INTS3: variants seen among roughly 807,000 people sequenced by gnomAD.
INTS3 encodes the protein SOSS complex subunit A.
In INTS3, 34 loss-of-function variants were observed where a neutral mutation model predicts 146.3. The ratio of observed to expected loss-of-function variants is 0.23; its 90% CI spans 0.18 to 0.31. INTS3 has a LOEUF of 0.31. INTS3 is among the 10% of genes least tolerant of loss of function. The pLI is 1.00. For missense variants in INTS3, 757 were observed against 1,304.2 expected, an observed-to-expected ratio of 0.58 and a Z score of 6.46; for synonymous variants, 475 against 494.9, an observed-to-expected ratio of 0.96 and a Z score of 0.53.
intron 1 of INTS3, among the ~76,000 whole-genome samples, chr1:153,735,335 G>A (rs1412109849): frequency 6.6e-6 from 1 of 152,170 alleles, no homozygotes; most frequent in Non-Finnish European, 1.5e-5. Context: ...ATGTCATTTT[G>A]TTTAATCCTT....
intron 21 of INTS3, 99 bp downstream of exon 21, chr1:153,767,926 C>A: frequency 1.6e-6 from 2 of 1,265,008 alleles, no homozygotes; most frequent in Non-Finnish European, 2.1e-6. Context: ...TTTGTTCATC[C>A]CCACTAACCT....
chr1:153,766,773 TC>T (rs1310839313), intron 20 of INTS3: 2 of 143,338 alleles, frequency 1.4e-5, no homozygotes, highest in Non-Finnish European at 3.0e-5. Flanking sequence ...CACTGCAACC[TC>T]CGCATGCTAG....
intron 8 of INTS3, among the ~76,000 whole-genome samples, chr1:153,753,395 A>G (rs1411715917): frequency 6.6e-6 from 1 of 151,838 alleles, no homozygotes; most frequent in Non-Finnish European, 1.5e-5. Flanking sequence ...TGTCTATACT[A>G]AAAATGCAAA....
chr1:153,763,345 C>T lies in INTS3; in HGVS notation c.1749C>T (p.Leu583=). Residue 583 remains leucine (L), a synonymous_variant, in exon 16 of 30, where the codon CTC becomes CTT. Coordinates refer to ENST00000318967, the MANE Select transcript of INTS3 (RefSeq NM_023015.5). The part of the protein sequence containing the change: ...QLDESLRDKV[L]QLQKGSDTEA... ...ATGAGTCCCTGAGGGACAAAGTACT[C>T]CAGCTACAGAAGGGGAGGTGGGTAC... 1.9e-6 allele frequency: 3 copies of T among 1,614,120 alleles called. No homozygotes were observed. The highest frequency in any genetic ancestry group is 2.5e-6 in the Non-Finnish European group (3 of 1,180,020).
At chr1:153,745,322 A>T (rs1050959836) in intron 3 of INTS3, among the ~76,000 whole-genome samples, 1 of 151,780 alleles carries the variant, frequency 6.6e-6, no homozygotes, top group African/African-American at 2.4e-5. Flanking sequence ...ACACGTAGCT[A>T]ATTTTTGTAT....
At chr1:153,737,753 C>T (rs1275130663) in intron 1 of INTS3, among the ~76,000 whole-genome samples, 1 of 152,194 alleles carries the variant, frequency 6.6e-6, no homozygotes, top group Non-Finnish European at 1.5e-5. Flanking sequence ...CCCGCCTCAG[C>T]CTCCAAAAGT....
chr1:153,732,799 G>A (rs1671126846), intron 1 of INTS3, among the ~76,000 whole-genome samples: 1 of 143,092 alleles, frequency 7.0e-6, no homozygotes, highest in Admixed American at 7.1e-5. Flanking sequence ...TGAAAATGAG[G>A]AATTTAGTCT....
chr1:153,742,476 C>CTGTGTGTGTGTGTGTGTGTGTGTG (rs1161319800), intron 3 of INTS3, among the ~76,000 whole-genome samples: 3 of 60,250 alleles, frequency 5.0e-5, no homozygotes, highest in African/African-American at 2.4e-4. Context: ...GTTTTTTAAT[C>CTGTGTGTGTGTGTGTGTGTGTGTG]TCTGTGTGTG....
chr1:153,747,889 A>G (rs929857896), intron 5 of INTS3: 1 of 161,166 alleles, frequency 6.2e-6, no homozygotes, highest in Admixed American at 5.8e-5. Context: ...TGTCTGAGCT[A>G]TCGCATATTC....
intron 8 of INTS3, 35 bp downstream of exon 8, chr1:153,752,443 C>G (rs1451058055): frequency 6.3e-7 from 1 of 1,587,640 alleles, no homozygotes; most frequent in Non-Finnish European, 8.6e-7. Flanking sequence ...TCCTTGAGAG[C>G]TGGGAGTTCA....
In INTS3 at chr1:153,752,305, G is replaced by A. The variant is rs377064450; in HGVS notation, c.756G>A (p.Arg252=). ...ERFMECLMIG[R]DLVRLLQNVA... is the part of the protein sequence containing the mutation. Reference sequence around the variant, plus strand: ...TCATGGAATGTCTGATGATTGGTCGGGATCTCGTAAGACTACTTCAGAATG... The same window carrying A: ...TCATGGAATGTCTGATGATTGGTCGAGATCTCGTAAGACTACTTCAGAATG... The change falls in exon 8 of 30, where the codon CGG becomes CGA. Residue 252 remains arginine, a synonymous_variant. Coordinates refer to ENST00000318967, the MANE Select transcript of INTS3 (RefSeq NM_023015.5). The A allele has an allele frequency of 5.0e-5, 81 of 1,613,398 alleles. No homozygotes were observed. In the African/African-American group the frequency reaches 9.3e-4, roughly 19 times the overall value.
chr1:153,736,153 G>A (rs1671276116), intron 1 of INTS3, among the ~76,000 whole-genome samples: 1 of 152,186 alleles, frequency 6.6e-6, no homozygotes, highest in Non-Finnish European at 1.5e-5. Flanking sequence ...GGTGGGCTGT[G>A]AGAATCATAG....
intron 1 of INTS3, 78 bp from the exon 2 acceptor site, chr1:153,740,573 G>T: frequency 9.2e-7 from 1 of 1,090,852 alleles, no homozygotes; most frequent in Non-Finnish European, 1.4e-6. Context: ...GGTTTGAATT[G>T]TTAAACTTTT....
At chr1:153,730,845 A>T (rs1671034097) in intron 1 of INTS3, among the ~76,000 whole-genome samples, 1 of 151,722 alleles carries the variant, frequency 6.6e-6, no homozygotes, top group Admixed American at 6.6e-5. Context: ...TTGCCACACT[A>T]TTTTTTTCCC....
At chr1:153,740,829 G>T in intron 2 of INTS3, 95 bp downstream of exon 2, 1 of 982,248 alleles carries the variant, frequency 1.0e-6, no homozygotes, top group East Asian at 2.4e-5. Context: ...TGGGGGTAGG[G>T]GACTGAAATT....
intron 12 of INTS3, 78 bp from the exon 13 acceptor site, chr1:153,760,749 C>A: frequency 8.4e-7 from 1 of 1,188,310 alleles, no homozygotes. Context: ...AAAACCAAAG[C>A]AGCTTTTCAG....
At position 153,773,443 on chromosome 1, in the gene INTS3, G is replaced by T; in HGVS notation, c.*173G>T. 1.6e-6 allele frequency: 1 copy of T among 638,760 alleles called. No individual in the cohort carries two copies. The highest frequency in any genetic ancestry group is 2.8e-6 in the Non-Finnish European group (1 of 354,668). The allele number at this position is 638,760 out of a possible 1,614,324, so 39.6% of individuals were successfully genotyped here. ...GCTGAGTTTGAGAAGCTGCCATGCA[G>T]CCCCTAGCCCCTTCCCTCCTCCTGG... On this transcript the variant is annotated 3_prime_UTR_variant, in exon 30 of 30. Transcript: ENST00000318967.
intron 15 of INTS3, among the ~76,000 whole-genome samples, 155 bp from the exon 16 acceptor site, chr1:153,763,077 TG>T (rs1245219716): frequency 6.6e-6 from 1 of 152,194 alleles, no homozygotes; most frequent in Non-Finnish European, 1.5e-5. Flanking sequence ...AGCTAGTACA[TG>T]TGCACAGTCA....
At position 153,772,536 on chromosome 1, in the gene INTS3, G is replaced by C; in HGVS notation, c.2821+96G>C. The C allele has an allele frequency of 6.2e-7, 1 of 1,611,344 alleles. No individual in the cohort carries two copies. Among genetic ancestry groups the C allele is most frequent in the Non-Finnish European group, 8.5e-7 (1 of 1,178,662 alleles). On this transcript the variant is annotated intron_variant, in intron 27 of 29. Transcript: ENST00000318967. The surrounding 1 kb of genome is among the most constrained non-coding windows in gnomAD (Gnocchi z 4.6). ...TGGGGGCAGGGGCAGGACACCCGGG[G>C]CCACAACCCACACTCGGGATAAAAC...
Sources: gnomAD v4.1 joint callset for allele counts (sites outside exome capture counted in the v4.1 genomes callset) on GRCh38, gnomAD v4.1.1 for gene constraint, Gnocchi (gnomAD v3.1) non-coding constraint, MANE v1.5 for transcripts, NCBI Gene and HGNC (gene_info 2026-07-23, HGNC 2026-07-21) for gene names.